The following TRPC7 variants were observed in gnomAD, a reference collection of about 807,000 sequenced individuals.
TRPC7 encodes the protein short transient receptor potential channel 7.
In TRPC7, 42 loss-of-function variants were observed where a neutral mutation model predicts 90.1. That is an observed-to-expected ratio of 0.47 (90% CI 0.36 to 0.60). The LOEUF (loss-of-function observed/expected upper bound fraction) is 0.60, where lower values mean the gene tolerates loss of function less well. Among genes scored for constraint, TRPC7 ranks in the 20% least tolerant of loss-of-function variants. TRPC7 has a pLI of 0.00. For missense variants in TRPC7, 955 were observed against 1,112.3 expected, an observed-to-expected ratio of 0.86 and a Z score of 2.01; for synonymous variants, 451 against 436.3, an observed-to-expected ratio of 1.03 and a Z score of -0.42.
chr5:136,224,654 C>G (rs1164169927), intron 10 of TRPC7, among the ~76,000 whole-genome samples: 1 of 152,200 alleles, frequency 6.6e-6, no homozygotes, highest in Non-Finnish European at 1.5e-5. Context: ...CTCTTGTCCC[C>G]ACCTGTCTCT....
intron 3 of TRPC7, among the ~76,000 whole-genome samples, chr5:136,302,992 T>A (rs1311006342): frequency 6.6e-6 from 1 of 152,038 alleles, no homozygotes; most frequent in Admixed American, 6.6e-5. Flanking sequence ...AGCTAGGTCC[T>A]AATTCTTCCT....
chr5:136,309,736 G>C (rs1366568664), intron 3 of TRPC7, among the ~76,000 whole-genome samples: 1 of 152,194 alleles, frequency 6.6e-6, no homozygotes, highest in Non-Finnish European at 1.5e-5. Context: ...ATTCCTGAGG[G>C]AATTCAGTTC....
chr5:136,360,727 T>C (rs1760544685), intron 1 of TRPC7, among the ~76,000 whole-genome samples: 2 of 152,134 alleles, frequency 1.3e-5, no homozygotes, highest in Non-Finnish European at 2.9e-5. Context: ...TGTATGCATA[T>C]AAGCAGATAA....
At chr5:136,332,549 C>G (rs767586988) in intron 2 of TRPC7, among the ~76,000 whole-genome samples, 2 of 152,090 alleles carry the variant, frequency 1.3e-5, no homozygotes, top group Non-Finnish European at 2.9e-5. Context: ...TGAGGAGAGA[C>G]AAACGTGACT....
chr5:136,238,124 G>A (rs1337940535), intron 7 of TRPC7, among the ~76,000 whole-genome samples: 1 of 152,154 alleles, frequency 6.6e-6, no homozygotes, highest in African/African-American at 2.4e-5. Flanking sequence ...TCTTATTGAG[G>A]CTTCAGGCTC....
At chr5:136,354,267 CA>C (rs1561731403) in intron 2 of TRPC7, among the ~76,000 whole-genome samples, 1 of 151,830 alleles carries the variant, frequency 6.6e-6, no homozygotes. Flanking sequence ...CAGAAAAAAA[CA>C]AAAAAGAGGC....
chr5:136,329,580 C>A (rs550360673), intron 2 of TRPC7, among the ~76,000 whole-genome samples: 1 of 152,060 alleles, frequency 6.6e-6, no homozygotes. Context: ...AATGGACATT[C>A]CAGGAAGTGG....
At position 136,266,455 on chromosome 5, in the gene TRPC7, C is replaced by G; in HGVS notation, c.1129-19G>C. 6.2e-7 allele frequency: 1 copy of G among 1,605,202 alleles called. No homozygotes were observed. Among genetic ancestry groups the G allele is most frequent in the Non-Finnish European group, 8.5e-7 (1 of 1,173,998 alleles). ...GTCCTAGCTGGAAAGAAAATGTGTT[C>G]AAGACATGTTAAACTGTCTCTAGGT... is the stretch of plus-strand genomic sequence containing the variant. On this transcript the variant is annotated intron_variant, in intron 4 of 11. Transcript: ENST00000513104.
intron 3 of TRPC7, among the ~76,000 whole-genome samples, chr5:136,295,106 G>T (rs1390790607): frequency 2.6e-5 from 4 of 152,010 alleles, no homozygotes; most frequent in Admixed American, 2.6e-4. Context: ...CATGGACACA[G>T]GAAGGGGAAC....
intron 10 of TRPC7, among the ~76,000 whole-genome samples, chr5:136,223,925 T>TA (rs1755544083): frequency 6.6e-6 from 1 of 152,226 alleles, no homozygotes; most frequent in African/African-American, 2.4e-5. Context: ...TGTGCGCGAT[T>TA]AAACACAAGA....
At chr5:136,288,127 G>A (rs1757793437) in intron 3 of TRPC7, among the ~76,000 whole-genome samples, 1 of 151,852 alleles carries the variant, frequency 6.6e-6, no homozygotes, top group Admixed American at 6.6e-5. Context: ...TACAAAGGAA[G>A]AAACTGAGGC....
At chr5:136,321,005 G>A (rs886980678) in intron 2 of TRPC7, among the ~76,000 whole-genome samples, 1 of 151,982 alleles carries the variant, frequency 6.6e-6, no homozygotes, top group Non-Finnish European at 1.5e-5. Flanking sequence ...ATTTTTTTCT[G>A]TGTCATTCAC....
intron 2 of TRPC7, 42 bp from the exon 3 acceptor site, chr5:136,315,821 C>G: frequency 1.9e-6 from 3 of 1,585,812 alleles, no homozygotes; most frequent in Non-Finnish European, 2.6e-6. Context: ...CACATGGAGG[C>G]CCGCAGATTG....
intron 2 of TRPC7, among the ~76,000 whole-genome samples, chr5:136,351,559 C>T (rs1029948352): frequency 2.6e-5 from 4 of 152,298 alleles, no homozygotes; most frequent in East Asian, 3.9e-4. Flanking sequence ...CAGGTGGGGG[C>T]CTTTCCCCAA....
intron 3 of TRPC7, among the ~76,000 whole-genome samples, chr5:136,314,797 G>C (rs906522513): frequency 1.3e-5 from 2 of 152,134 alleles, no homozygotes; most frequent in African/African-American, 4.8e-5. Context: ...AGACCAAACA[G>C]CTCCTTTGCT....
intron 5 of TRPC7, among the ~76,000 whole-genome samples, chr5:136,252,375 T>C (rs989026574): frequency 6.4e-4 from 98 of 152,182 alleles, no homozygotes; most frequent in African/African-American, 2.2e-3. Flanking sequence ...TTGTTTTGTT[T>C]TTAAATCCCA....
intron 5 of TRPC7, among the ~76,000 whole-genome samples, chr5:136,253,166 ATGT>A (rs1369428971): frequency 6.6e-6 from 1 of 152,212 alleles, no homozygotes; most frequent in Non-Finnish European, 1.5e-5. Context: ...TAGGTTAAGT[ATGT>A]TGTTAATTTC....
intron 3 of TRPC7, among the ~76,000 whole-genome samples, chr5:136,313,721 T>A (rs991300593): frequency 6.6e-6 from 1 of 152,164 alleles, no homozygotes; most frequent in African/African-American, 2.4e-5. Context: ...TTTATGCAGG[T>A]CATTTATCAT....
intron 10 of TRPC7, among the ~76,000 whole-genome samples, chr5:136,219,051 G>C (rs1187435198): frequency 6.6e-6 from 1 of 152,196 alleles, no homozygotes; most frequent in African/African-American, 2.4e-5. Flanking sequence ...ATGAGATGTG[G>C]GAAACTGGCT....
Sources: allele counts gnomAD v4.1 joint callset (sites outside exome capture counted in the v4.1 genomes callset), GRCh38; gene constraint gnomAD v4.1.1; transcripts MANE v1.5; gene names NCBI Gene and HGNC (gene_info 2026-07-23, HGNC 2026-07-21).